The following UNC5D variants were observed in gnomAD, a reference collection of about 807,000 sequenced individuals.
UNC5D encodes the protein unc-5 netrin receptor D.
In UNC5D, 39 loss-of-function variants were observed where a neutral mutation model predicts 105.4. The ratio of observed to expected loss-of-function variants is 0.37; its 90% CI spans 0.29 to 0.48. The LOEUF is 0.48. Among genes scored for constraint, UNC5D ranks in the 20% least tolerant of loss-of-function variants. The pLI, the probability that UNC5D is intolerant of heterozygous loss-of-function variation, is 0.98. For missense variants in UNC5D, 991 were observed against 1,202.4 expected, an observed-to-expected ratio of 0.82 and a Z score of 2.60; for synonymous variants, 452 against 450.4, an observed-to-expected ratio of 1.00 and a Z score of -0.04.
At chr8:35,329,653 CA>C in intron 1 of UNC5D, among the ~76,000 whole-genome samples, 1 of 151,976 alleles carries the variant, frequency 6.6e-6, no homozygotes, top group East Asian at 1.9e-4. Context: ...AGAGCTAAAC[CA>C]GTTTAAAAAA....
At chr8:35,461,118 T>A (rs1808856858) in intron 1 of UNC5D, among the ~76,000 whole-genome samples, 1 of 152,178 alleles carries the variant, frequency 6.6e-6, no homozygotes, top group East Asian at 1.9e-4. Context: ...AAAGGAAGGC[T>A]CCAATATTGC....
At chr8:35,678,756 G>A (rs1384146768) in intron 4 of UNC5D, among the ~76,000 whole-genome samples, 1 of 151,996 alleles carries the variant, frequency 6.6e-6, no homozygotes, top group Non-Finnish European at 1.5e-5. Flanking sequence ...TTGTCATGTA[G>A]CTTTGGCATG....
At chr8:35,259,815 G>A (rs749765023) in intron 1 of UNC5D, among the ~76,000 whole-genome samples, 24 of 151,586 alleles carry the variant, frequency 1.6e-4, no homozygotes, top group Non-Finnish European at 2.9e-4. Context: ...CAGTGTATGT[G>A]GACGCTGGTA....
rs1346324008 is a variant in UNC5D at position 35,684,601 on chromosome 8, C to A, written c.771C>A (p.Ser257=). The stretch of plus-strand genomic sequence containing the variant: ...TCTCAGTGAATGGAGGCTGGTCTTC[C>A]TGGACAGAGTGGTCAGCCTGCAATG... ...VVVYVNGGWS[S]WTEWSACNVR... Residue 257 remains serine, a synonymous_variant, in exon 6 of 17, where the codon TCC becomes TCA. Transcript: ENST00000404895. 1 of 1,612,418 alleles carries A rather than the reference C, an allele frequency of 6.2e-7. No individual in the cohort carries two copies. Among genetic ancestry groups the A allele is most frequent in the Admixed American group, 1.7e-5 (1 of 59,892 alleles).
chr8:35,256,518 T>C (rs1804085048), intron 1 of UNC5D: 1 of 152,014 alleles, frequency 6.6e-6, no homozygotes. Flanking sequence ...GTGTCTGCTA[T>C]GGGCCATTCA....
intron 1 of UNC5D, among the ~76,000 whole-genome samples, chr8:35,507,290 C>T (rs1225212301): frequency 1.3e-5 from 2 of 151,880 alleles, no homozygotes; most frequent in Non-Finnish European, 2.9e-5. Context: ...TTCCTGACCT[C>T]GTGATCCGCC....
chr8:35,570,272 C>T (rs970456657), intron 3 of UNC5D, among the ~76,000 whole-genome samples: 10 of 152,166 alleles, frequency 6.6e-5, no homozygotes, highest in Admixed American at 2.0e-4. Flanking sequence ...ACCCAGACTC[C>T]AGAGTCCTGT....
intron 1 of UNC5D, among the ~76,000 whole-genome samples, chr8:35,256,969 T>TTTTTTG (rs1804121911): frequency 6.7e-6 from 1 of 149,428 alleles, no homozygotes; most frequent in South Asian, 2.1e-4. Flanking sequence ...GTTTTTTTTT[T>TTTTTTG]TTTTTTGTTT....
chr8:35,683,856 C>A, intron 5 of UNC5D, 129 bp downstream of exon 5: 2 of 870,298 alleles, frequency 2.3e-6, no homozygotes, highest in Non-Finnish European at 3.1e-6. Flanking sequence ...AGTGCTCTAT[C>A]CTGCCTCCCT....
chr8:35,668,258 T>C (rs531488871), intron 4 of UNC5D, among the ~76,000 whole-genome samples: 2 of 152,254 alleles, frequency 1.3e-5, no homozygotes, highest in South Asian at 4.2e-4. Flanking sequence ...GTTGGAATTT[T>C]ATTTCCTATT....
chr8:35,432,112 C>T (rs1328463748), intron 1 of UNC5D, among the ~76,000 whole-genome samples: 1 of 152,216 alleles, frequency 6.6e-6, no homozygotes, highest in African/African-American at 2.4e-5. Context: ...CTATAATATA[C>T]TAGCTGTGTG....
intron 3 of UNC5D, among the ~76,000 whole-genome samples, chr8:35,580,927 A>T (rs974576162): frequency 1.3e-5 from 2 of 152,144 alleles, no homozygotes; most frequent in Non-Finnish European, 2.9e-5. Context: ...TAGAGAGGGA[A>T]TAGGAGTTAC....
chr8:35,322,422 C>G (rs767799997), intron 1 of UNC5D, among the ~76,000 whole-genome samples: 24 of 151,108 alleles, frequency 1.6e-4, no homozygotes, highest in Non-Finnish European at 3.4e-4. Context: ...ACTTGTAAGT[C>G]TTCATTTTAC....
At chr8:35,333,561 C>A (rs1037504012) in intron 1 of UNC5D, among the ~76,000 whole-genome samples, 3 of 152,126 alleles carry the variant, frequency 2.0e-5, no homozygotes, top group Non-Finnish European at 2.9e-5. Context: ...CTCACTGCAA[C>A]CTCCGCCTCC....
chr8:35,540,712 T>C lies in UNC5D; in HGVS notation c.104-8580T>C, dbSNP rs140827477. Among the ~76,000 whole-genome samples the C allele has an allele frequency of 2.1e-4, 32 of 152,302 alleles. 1 individual carries two copies. The East Asian group carries it at 5.0e-3, about 24-fold the overall frequency. On this transcript the variant is annotated intron_variant, in intron 1 of 16. Transcript: ENST00000404895. The stretch of plus-strand genomic sequence containing the variant: ...GCTGTATCTGCCATCATAACTGGTG[T>C]AGAATCTCTGGCTTAGATCCAATTT...
At chr8:35,614,410 A>G (rs1393830630) in intron 4 of UNC5D, among the ~76,000 whole-genome samples, 1 of 152,226 alleles carries the variant, frequency 6.6e-6, no homozygotes, top group Non-Finnish European at 1.5e-5. Flanking sequence ...AGTGGGCCTC[A>G]GGTATAAATA....
In UNC5D at chr8:35,545,518, C is replaced by T. The variant is rs570117933; in HGVS notation, c.104-3774C>T. ...GGGATTAAGCCCTTTTGCTGGAGGG[C>T]AGCCACCTACTGGGCAGGGCTTTGC... is the stretch of plus-strand genomic sequence containing the variant. On this transcript the variant is annotated intron_variant, in intron 1 of 16. Coordinates refer to ENST00000404895, the MANE Select transcript of UNC5D (RefSeq NM_080872.4). 8.1e-4 allele frequency among the ~76,000 whole-genome samples: 123 copies of T among 152,210 alleles called. 1 individual carries two copies. Among genetic ancestry groups the T allele is most frequent in the Admixed American group, 1.6e-3 (24 of 15,296 alleles).
chr8:35,768,884 C>T (rs1181891696), intron 15 of UNC5D, among the ~76,000 whole-genome samples: 1 of 152,166 alleles, frequency 6.6e-6, no homozygotes, highest in Non-Finnish European at 1.5e-5. Flanking sequence ...AGGCTATAGT[C>T]ATCCAATTTG....
intron 1 of UNC5D, among the ~76,000 whole-genome samples, chr8:35,351,500 G>A (rs978535133): frequency 2.6e-5 from 4 of 151,974 alleles, no homozygotes; most frequent in Admixed American, 1.3e-4. Context: ...GTACCATCAC[G>A]GTTGTATCTT....
Sources: allele counts gnomAD v4.1 joint callset (sites outside exome capture counted in the v4.1 genomes callset), GRCh38; gene constraint gnomAD v4.1.1; transcripts MANE v1.5; gene names NCBI Gene and HGNC (gene_info 2026-07-23, HGNC 2026-07-21).